ESF1: variants seen among roughly 807,000 people sequenced by gnomAD.
ESF1 encodes ESF1 homolog.
Under a neutral mutation model 92.0 loss-of-function variants are expected in ESF1, and 58 were observed. The ratio of observed to expected loss-of-function variants is 0.63; its 90% CI spans 0.51 to 0.78. ESF1 has a LOEUF of 0.78. Among genes scored for constraint, ESF1 ranks in the 30% least tolerant of loss-of-function variants. The pLI is 0.00. For synonymous variants in ESF1, 321 were observed against 313.7 expected, an observed-to-expected ratio of 1.02 and a Z score of -0.24; for missense variants, 922 against 989.1, an observed-to-expected ratio of 0.93 and a Z score of 0.91.
chr20:13,759,849 A>T lies in ESF1; in HGVS notation c.1671T>A (p.Asp557Glu), dbSNP rs760217982. 3 of 1,587,656 alleles carry T rather than the reference A, an allele frequency of 1.9e-6. No homozygotes were observed. The highest frequency in any genetic ancestry group is 1.9e-5 in the Admixed American group (1 of 53,968). ...CATCTTCTTCTACATTGACTCCATC[A>T]TCACCTAATGAAAAAAAAATTCACT... ...EEEIEEELQG[D>E]DGVNVEEDGK... is the part of the protein sequence containing the mutation. The change falls in exon 9 of 14, where the codon GAT (aspartate) becomes GAA (glutamate). Residue 557 changes from aspartate to glutamate, a missense_variant. Coordinates refer to ENST00000617257, the MANE Select transcript of ESF1 (RefSeq NM_001276380.2).
At chr20:13,721,701 T>C (rs192621324) in intron 11 of ESF1, among the ~76,000 whole-genome samples, 31 of 152,338 alleles carry the variant, frequency 2.0e-4, no homozygotes, top group African/African-American at 7.5e-4. Context: ...CCAGTAGACA[T>C]GCCCAGCCAA....
intron 11 of ESF1, among the ~76,000 whole-genome samples, chr20:13,727,437 G>C (rs1164721268): frequency 6.6e-6 from 1 of 152,126 alleles, no homozygotes; most frequent in African/African-American, 2.4e-5. Flanking sequence ...TTCCTGTTGA[G>C]AACTATTCTG....
At chr20:13,720,564 A>G (rs1333662365) in intron 11 of ESF1, among the ~76,000 whole-genome samples, 1 of 152,208 alleles carries the variant, frequency 6.6e-6, no homozygotes, top group Non-Finnish European at 1.5e-5. Flanking sequence ...ATTCCAAAAG[A>G]TCACTAGCCT....
At chr20:13,781,188 T>G (rs1301787127) in intron 2 of ESF1, among the ~76,000 whole-genome samples, 1 of 152,230 alleles carries the variant, frequency 6.6e-6, no homozygotes, top group Non-Finnish European at 1.5e-5. Context: ...ACTTTAGATC[T>G]ATATTGTCCA....
Position 13,762,626 on chromosome 20 carries a change from T to C in ESF1, c.1667-2773A>G, listed in dbSNP as rs188086275. Reference sequence around the variant, plus strand: ...AGTTTGTGAAACCCTTAATACTATATAAGGAGTGAAAGAATAATAATTCTA... The same window carrying C: ...AGTTTGTGAAACCCTTAATACTATACAAGGAGTGAAAGAATAATAATTCTA... On this transcript the variant is annotated intron_variant, in intron 8 of 13. Coordinates refer to ENST00000617257, the MANE Select transcript of ESF1 (RefSeq NM_001276380.2). 3.8e-3 allele frequency among the ~76,000 whole-genome samples: 573 copies of C among 152,238 alleles called. 3 individuals carry two copies. The highest frequency in any genetic ancestry group is 0.013 in the African/African-American group (525 of 41,534).
rs1418515473 is a variant in ESF1, at chr20:13,783,127, T to C, written c.14A>G (p.Gln5Arg). 3.1e-6 allele frequency: 5 copies of C among 1,596,500 alleles called. No individual in the cohort carries two copies. Among genetic ancestry groups the C allele is most frequent in the Middle Eastern group, 1.8e-4 (1 of 5,654 alleles). Residue 5 changes from glutamine (Q) to arginine (R), a missense_variant, in exon 2 of 14, where the codon CAA becomes CGA. Coordinates refer to ENST00000617257, the MANE Select transcript of ESF1 (RefSeq NM_001276380.2). The part of the protein sequence containing the change: MSSK[Q>R]EIMSDQRFRR... Reference sequence around the variant, plus strand: ...AAACCGCTGGTCACTCATTATTTCTTGTTTGGATGACATTTTTAATTCTTA... The same window carrying C: ...AAACCGCTGGTCACTCATTATTTCTCGTTTGGATGACATTTTTAATTCTTA...
At position 13,770,070 on chromosome 20, in the gene ESF1, C is replaced by G. The variant is rs747617652; in HGVS notation, c.1404-49G>C. On this transcript the variant is annotated intron_variant, in intron 6 of 13. Transcript: ENST00000617257. ...TATTTAAAATACGCTGCAGTGATAA[C>G]CACAGTTTAGATTCTCATCTAATTA... 5 of 1,072,136 alleles carry G rather than the reference C, an allele frequency of 4.7e-6. No homozygotes were observed. In the African/African-American group the frequency reaches 8.0e-5, roughly 17 times the overall value. 66.4% of individuals were successfully genotyped at this position (1,072,136 alleles called of 1,614,324 possible).
At chr20:13,778,007 A>G (rs1382998285) in intron 2 of ESF1, among the ~76,000 whole-genome samples, 1 of 152,232 alleles carries the variant, frequency 6.6e-6, no homozygotes, top group Non-Finnish European at 1.5e-5. Context: ...ACACGATCTC[A>G]TGCTCTTGAT....
intron 9 of ESF1, among the ~76,000 whole-genome samples, chr20:13,739,865 CAG>C (rs1291784626): frequency 1.3e-5 from 2 of 151,984 alleles, no homozygotes; most frequent in South Asian, 2.1e-4. Context: ...AGCCAGCACA[CAG>C]AGTTTGAAGC....
intron 3 of ESF1, 125 bp from the exon 4 acceptor site, chr20:13,775,395 C>A (rs189092436): frequency 1.7e-6 from 1 of 576,492 alleles, no homozygotes. Context: ...CAGGAGTTAT[C>A]TAAGCGTAAT....
At chr20:13,764,976 A>C (rs1361309677) in intron 8 of ESF1, among the ~76,000 whole-genome samples, 1 of 152,082 alleles carries the variant, frequency 6.6e-6, no homozygotes, top group Admixed American at 6.5e-5. Context: ...TAATCCCAGC[A>C]CTCTGGGAAG....
chr20:13,720,474 G>A (rs138325858), intron 11 of ESF1, among the ~76,000 whole-genome samples: 1 of 152,246 alleles, frequency 6.6e-6, no homozygotes, highest in African/African-American at 2.4e-5. Flanking sequence ...GAATCTAATG[G>A]AACCACTCGT....
chr20:13,760,619 T>G (rs1269669753), intron 8 of ESF1, among the ~76,000 whole-genome samples: 3 of 149,534 alleles, frequency 2.0e-5, no homozygotes, highest in African/African-American at 5.0e-5. Context: ...GTCTGGGAAG[T>G]GAGGAGCGTC....
chr20:13,761,384 AAAAT>A (rs1979192307), intron 8 of ESF1, among the ~76,000 whole-genome samples: 1 of 149,744 alleles, frequency 6.7e-6, no homozygotes, highest in East Asian at 1.9e-4. Context: ...CAATTAAAAA[AAAAT>A]AAATAAAATA....
Position 13,782,672 on chromosome 20 carries a change from C to A in ESF1, c.469G>T (p.Asp157Tyr). The A allele has an allele frequency of 1.2e-6, 2 of 1,602,096 alleles. No individual in the cohort carries two copies. The highest frequency in any genetic ancestry group is 1.7e-6 in the Non-Finnish European group (2 of 1,176,308). ...KIDSNISPKK[D>Y]SKEFTQKNKK... is the part of the protein sequence containing the mutation. ...TTTTTTTGTGTAAATTCTTTGCTAT[C>A]CTTCTTCGGACTTATGTTTGAATCT... is the stretch of plus-strand genomic sequence containing the variant. Residue 157 changes from aspartate to tyrosine, a missense_variant, in exon 2 of 14, where the codon GAT becomes TAT. Physicochemically the swap from Asp to Tyr is radical, Grantham distance 160. Transcript: ENST00000617257.
intron 7 of ESF1, among the ~76,000 whole-genome samples, chr20:13,769,537 C>T (rs553225832): frequency 1.3e-5 from 2 of 152,248 alleles, no homozygotes; most frequent in African/African-American, 2.4e-5. Context: ...ACCTGTAATC[C>T]CAGCACTTTG....
chr20:13,768,242 C>T (rs938180132), intron 7 of ESF1, among the ~76,000 whole-genome samples: 15 of 152,118 alleles, frequency 9.9e-5, no homozygotes, highest in Non-Finnish European at 1.5e-4. Flanking sequence ...CAGAGAAGCA[C>T]GGTGATTTAT....
At chr20:13,715,831 C>G (rs986314499) in intron 13 of ESF1, among the ~76,000 whole-genome samples, 1 of 152,134 alleles carries the variant, frequency 6.6e-6, no homozygotes, top group South Asian at 2.1e-4. Flanking sequence ...GGGAAACACA[C>G]GAAATACAAG....
rs71188180 is a variant in ESF1 at position 13,716,804 on chromosome 20, ATTTTTTTTTTTTTTTTTT to A, written c.2262+546_2262+563del. 2.8e-4 allele frequency among the ~76,000 whole-genome samples: 13 copies of A among 45,916 alleles called. No individual in the cohort carries two copies. In the East Asian group the frequency reaches 5.7e-3, roughly 20 times the overall value. 30.1% of individuals were successfully genotyped at this position (45,916 alleles called of 152,430 possible). A position where few individuals can be genotyped will look rare whatever the true frequency, so the allele number is the denominator to read the frequency against. ...TACAGGTGTGCGCCACTATACCTGGATTTTTTTTTTTTTTTTTTTTTTTTTTTTTTTTAGACAGAGTCT... is the reference window on the plus strand; with the variant it reads ...TACAGGTGTGCGCCACTATACCTGGATTTTTTTTTTTTTTAGACAGAGTCT... On this transcript the variant is annotated intron_variant, in intron 13 of 13. Transcript: ENST00000617257.
Sources: gnomAD v4.1 joint callset for allele counts (sites outside exome capture counted in the v4.1 genomes callset) on GRCh38, gnomAD v4.1.1 for gene constraint, MANE v1.5 for transcripts, NCBI Gene and HGNC (gene_info 2026-07-23, HGNC 2026-07-21) for gene names.